Variants in ABRACL observed in about 807,000 individuals in gnomAD.
ABRACL encodes costars family protein ABRACL.
Under a neutral mutation model 7.0 loss-of-function variants are expected in ABRACL, and 4 were observed. The observed-to-expected ratio is 0.57, with a 90% CI of 0.28 to 1.30. The LOEUF (loss-of-function observed/expected upper bound fraction) is 1.30. ABRACL is among the 50% of genes most tolerant of loss of function. The pLI is 0.10. For synonymous variants in ABRACL, 30 were observed against 36.0 expected, an observed-to-expected ratio of 0.83 and a Z score of 0.60; for missense variants, 104 against 97.3, an observed-to-expected ratio of 1.07 and a Z score of -0.29.
intron 2 of ABRACL, among the ~76,000 whole-genome samples, chr6:139,035,259 A>G (rs373457704): frequency 2.6e-5 from 4 of 152,322 alleles, no homozygotes. Flanking sequence ...AACACATTTA[A>G]TATCTTAAGA....
At chr6:139,030,136 T>C (rs1396305810) in intron 1 of ABRACL, among the ~76,000 whole-genome samples, 3 of 151,828 alleles carry the variant, frequency 2.0e-5, no homozygotes, top group African/African-American at 7.3e-5. Context: ...CTTGCTCTGC[T>C]TCTCACCTCT....
At chr6:139,042,595 A>T in intron 2 of ABRACL, 124 bp from the exon 3 acceptor site, 2 of 834,344 alleles carry the variant, frequency 2.4e-6, no homozygotes, top group African/African-American at 1.7e-5. Flanking sequence ...TATGACTGTT[A>T]AGTGTTAAAT....
intron 2 of ABRACL, chr6:139,034,588 C>A: frequency 1.8e-6 from 1 of 562,722 alleles, no homozygotes; most frequent in Non-Finnish European, 2.8e-6. Context: ...CATCATTTTA[C>A]AAACTTCTTT....
chr6:139,030,698 A>C (rs1411205207), intron 1 of ABRACL, among the ~76,000 whole-genome samples: 1 of 152,218 alleles, frequency 6.6e-6, no homozygotes, highest in East Asian at 1.9e-4. Flanking sequence ...GTTTCATACA[A>C]ATACCACTCA....
chr6:139,042,954 G>C lies in ABRACL; in HGVS notation c.*51G>C. ...GCCATTTTTTGTTTCTGGTAAACTGGAATATAAAGTGAAAGAACAAACATT... is the reference window on the plus strand; with the variant it reads ...GCCATTTTTTGTTTCTGGTAAACTGCAATATAAAGTGAAAGAACAAACATT... On this transcript the variant is annotated 3_prime_UTR_variant, in exon 3 of 3. Transcript: ENST00000367660. 1.4e-6 allele frequency: 2 copies of C among 1,435,514 alleles called. No individual in the cohort carries two copies. Among genetic ancestry groups the C allele is most frequent in the Non-Finnish European group, 9.4e-7 (1 of 1,063,016 alleles). 88.9% of individuals were successfully genotyped at this position (1,435,514 alleles called of 1,614,324 possible). A position where few individuals can be genotyped will look rare whatever the true frequency, so the allele number is the denominator to read the frequency against.
chr6:139,041,425 A>AT (rs1382367955), intron 2 of ABRACL, among the ~76,000 whole-genome samples: 2 of 117,262 alleles, frequency 1.7e-5, no homozygotes, highest in Middle Eastern at 4.2e-3. Context: ...CACCAGACCC[A>AT]TCTCTCTCTC....
Position 139,042,758 on chromosome 6 carries a change from T to C in ABRACL, c.101T>C (p.Phe34Ser). ...GKLSVKFGVL[F>S]RDDKCANLFE... The stretch of plus-strand genomic sequence containing the variant: ...TTAAGCGTGAAATTTGGGGTCCTCT[T>C]CCGTGATGATAAATGTGCCAACCTC... The change falls in exon 3 of 3, where the codon TTC becomes TCC. Residue 34 changes from phenylalanine (F) to serine (S), a missense_variant. By Grantham distance (155) the Phe-to-Ser change is radical (BLOSUM62 -2). Transcript: ENST00000367660. The C allele has an allele frequency of 6.2e-7, 1 of 1,613,186 alleles. No homozygotes were observed. The highest frequency in any genetic ancestry group is 8.5e-7 in the Non-Finnish European group (1 of 1,179,768).
intron 2 of ABRACL, among the ~76,000 whole-genome samples, chr6:139,036,873 A>G (rs9969086): frequency 6.6e-6 from 1 of 152,072 alleles, no homozygotes; most frequent in Non-Finnish European, 1.5e-5. Context: ...GGTCCCAGCT[A>G]TACTGGAGGC....
intron 2 of ABRACL, among the ~76,000 whole-genome samples, chr6:139,041,531 A>ATATATTTTTTTTT (rs748288046): frequency 5.6e-5 from 7 of 126,038 alleles, no homozygotes; most frequent in African/African-American, 2.2e-4. Flanking sequence ...ATATATATAT[A>ATATATTTTTTTTT]TTTTTTTTTA....
intron 2 of ABRACL, among the ~76,000 whole-genome samples, chr6:139,038,746 G>A (rs1236627432): frequency 6.6e-6 from 1 of 152,134 alleles, no homozygotes; most frequent in African/African-American, 2.4e-5. Flanking sequence ...AGACAAACTG[G>A]AAGTACCTAG....
chr6:139,034,496 T>C, intron 2 of ABRACL: 1 of 1,310,354 alleles, frequency 7.6e-7, no homozygotes, highest in Non-Finnish European at 1.0e-6. Context: ...TGTATTTGAC[T>C]GCATTGAAAT....
chr6:139,039,353 A>T (rs1399265538), intron 2 of ABRACL, among the ~76,000 whole-genome samples: 1 of 152,232 alleles, frequency 6.6e-6, no homozygotes, highest in African/African-American at 2.4e-5. Context: ...CTTATCTTCC[A>T]TGAAATACAG....
intron 1 of ABRACL, among the ~76,000 whole-genome samples, chr6:139,029,532 C>T (rs1269553335): frequency 1.3e-5 from 2 of 152,100 alleles, no homozygotes; most frequent in Non-Finnish European, 2.9e-5. Context: ...TCCCGGGCGC[C>T]AGCGGTGCCG....
intron 2 of ABRACL, among the ~76,000 whole-genome samples, chr6:139,041,281 T>A (rs1465186312): frequency 2.7e-5 from 4 of 150,916 alleles, no homozygotes; most frequent in Non-Finnish European, 5.9e-5. Flanking sequence ...TTTTTTTTTA[T>A]GAGACAGGGT....
intron 1 of ABRACL, 119 bp from the exon 2 acceptor site, chr6:139,034,036 G>A (rs1786119669): frequency 1.5e-6 from 2 of 1,332,550 alleles, no homozygotes; most frequent in Admixed American, 2.1e-5. Flanking sequence ...TTTAGGAAAA[G>A]GAACATGGTA....
At chr6:139,041,082 A>G (rs1026398705) in intron 2 of ABRACL, among the ~76,000 whole-genome samples, 3 of 152,302 alleles carry the variant, frequency 2.0e-5, no homozygotes, top group Admixed American at 6.5e-5. Context: ...ACTGAGGACT[A>G]TTAGGTTTTT....
At chr6:139,031,133 A>G (rs1562218268) in intron 1 of ABRACL, among the ~76,000 whole-genome samples, 1 of 152,250 alleles carries the variant, frequency 6.6e-6, no homozygotes, top group Non-Finnish European at 1.5e-5. Context: ...TCAGAGAATC[A>G]GAGAATTGGA....
intron 1 of ABRACL, among the ~76,000 whole-genome samples, chr6:139,030,383 T>A (rs1310976321): frequency 6.6e-6 from 1 of 152,184 alleles, no homozygotes; most frequent in Non-Finnish European, 1.5e-5. Context: ...GTCTTATTTC[T>A]TCTGTGTTTA....
chr6:139,031,852 GA>G (rs1488535657), intron 1 of ABRACL, among the ~76,000 whole-genome samples: 2 of 152,188 alleles, frequency 1.3e-5, no homozygotes, highest in Non-Finnish European at 2.9e-5. Context: ...CATAAGGAGG[GA>G]AAGGCTTTAT....
Sources: gnomAD v4.1 joint callset for allele counts (sites outside exome capture counted in the v4.1 genomes callset) on GRCh38, gnomAD v4.1.1 for gene constraint, MANE v1.5 for transcripts, NCBI Gene and HGNC (gene_info 2026-07-23, HGNC 2026-07-21) for gene names.